Variants in BARD1 observed in about 807,000 individuals in gnomAD.
BARD1 encodes the protein BRCA1-associated RING domain protein 1.
Under a neutral mutation model 77.0 loss-of-function variants are expected in BARD1, and 73 were observed. The ratio of observed to expected loss-of-function variants is 0.95; its 90% CI spans 0.79 to 1.15. The LOEUF (loss-of-function observed/expected upper bound fraction) is 1.15, where lower values mean the gene tolerates loss of function less well. Ranked by LOEUF, BARD1 falls within the 50% of genes most tolerant of loss-of-function variation. BARD1 has a pLI of 0.00. For missense variants in BARD1, 993 were observed against 938.8 expected, an observed-to-expected ratio of 1.06 and a Z score of -0.75; for synonymous variants, 384 against 338.0, an observed-to-expected ratio of 1.14 and a Z score of -1.49.
At position 214,767,537 on chromosome 2, in the gene BARD1, C is replaced by T. The variant is rs864622240; in HGVS notation, c.1513G>A (p.Gly505Arg). ...DSPLHDAAKN[G>R]HVDIVKLLLS... The stretch of plus-strand genomic sequence containing the variant: ...AACAGCTTGACTATATCCACATGCC[C>T]ATTCTTGGCTGCATCGTGAAGTGGT... The change falls in exon 6 of 11, where the codon GGG (glycine) becomes AGG (arginine). Residue 505 changes from glycine (G) to arginine (R), a missense_variant. By Grantham distance (125) the Gly-to-Arg change is moderately radical. Coordinates refer to ENST00000260947, the MANE Select transcript of BARD1 (RefSeq NM_000465.4). 1 of 1,613,996 alleles carries T rather than the reference C, an allele frequency of 6.2e-7. No individual in the cohort carries two copies. Among genetic ancestry groups the T allele is most frequent in the Non-Finnish European group, 8.5e-7 (1 of 1,179,912 alleles).
chr2:214,731,104 C>A (rs1692335911), intron 9 of BARD1: 3 of 243,642 alleles, frequency 1.2e-5, no homozygotes, highest in Non-Finnish European at 2.5e-5. Flanking sequence ...ACTGAGGTTG[C>A]TAGTCTAGAG....
At chr2:214,751,117 G>GTGTGTATATA (rs1486423673) in intron 7 of BARD1, among the ~76,000 whole-genome samples, 52 of 16,222 alleles carry the variant, frequency 3.2e-3, no homozygotes, top group Non-Finnish European at 6.2e-3. Flanking sequence ...GTGTGTGTGT[G>GTGTGTATATA]TATATATATA....
At chr2:214,736,771 A>T (rs1350232111) in intron 9 of BARD1, among the ~76,000 whole-genome samples, 2 of 152,158 alleles carry the variant, frequency 1.3e-5, no homozygotes, top group Admixed American at 1.3e-4. Context: ...AGAAGGAGCC[A>T]GTGTAAGTCT....
chr2:214,776,645 A>T (rs548033223), intron 4 of BARD1, among the ~76,000 whole-genome samples: 1 of 152,334 alleles, frequency 6.6e-6, no homozygotes, highest in East Asian at 1.9e-4. Flanking sequence ...AAGGGAAATT[A>T]GGAAGCTACT....
chr2:214,745,135 T>A lies in BARD1; in HGVS notation c.1835A>T (p.Asp612Val), dbSNP rs201140528. 1.2e-4 allele frequency: 199 copies of A among 1,613,842 alleles called. No individual in the cohort carries two copies. The highest frequency in any genetic ancestry group is 2.3e-4 in the Admixed American group (14 of 59,986). Residue 612 changes from aspartate to valine, a missense_variant, in exon 9 of 11, where the codon GAT becomes GTT. Asp to Val is a radical substitution (Grantham distance 152). Transcript: ENST00000260947. ...ACACTTCAAGGTACTTTGAACTGCA[T>A]CACCAGGAACAACAACATGAGTTAC... ...STVTHVVVPG[D>V]AVQSTLKCML...
intron 4 of BARD1, among the ~76,000 whole-genome samples, chr2:214,776,225 T>C (rs1028165811): frequency 3.3e-5 from 5 of 152,082 alleles, no homozygotes; most frequent in African/African-American, 1.2e-4. Context: ...GAGAACTTGG[T>C]AGAAGGGTGT....
intron 1 of BARD1, among the ~76,000 whole-genome samples, chr2:214,805,380 TC>T (rs1696221966): frequency 6.6e-6 from 1 of 152,236 alleles, no homozygotes; most frequent in East Asian, 1.9e-4. Flanking sequence ...CAGTGATTTC[TC>T]GTTATTCTAA....
intron 9 of BARD1, among the ~76,000 whole-genome samples, chr2:214,735,760 T>A (rs578032410): frequency 1.3e-5 from 2 of 152,272 alleles, no homozygotes; most frequent in South Asian, 4.1e-4. Flanking sequence ...GCTGCTTAAA[T>A]TGAGTGTTCT....
intron 7 of BARD1, among the ~76,000 whole-genome samples, chr2:214,749,782 C>G (rs1038123518): frequency 6.8e-6 from 1 of 147,392 alleles, no homozygotes; most frequent in Non-Finnish European, 1.5e-5. Flanking sequence ...AAAAAACAAC[C>G]TTTTTTTTTT....
In BARD1 at chr2:214,752,344, G is replaced by A. The variant is rs1693492746; in HGVS notation, c.1677+103C>T. The A allele has an allele frequency of 1.2e-5, 11 of 906,430 alleles. 1 individual carries two copies. In the South Asian group the frequency reaches 1.5e-4, roughly 13 times the overall value. 56.1% of individuals were successfully genotyped at this position (906,430 alleles called of 1,614,324 possible). ...TCAGGAAGTGCTCAATAATTGTTTG[G>A]TGAATGTAAGCAATTGGTCAAATGG... On this transcript the variant is annotated intron_variant, in intron 7 of 10. Transcript: ENST00000260947.
chr2:214,779,867 C>T (rs1475667260), intron 4 of BARD1, among the ~76,000 whole-genome samples: 1 of 152,198 alleles, frequency 6.6e-6, no homozygotes, highest in African/African-American at 2.4e-5. Flanking sequence ...GCTTATAAAG[C>T]TATGGTGCCT....
At chr2:214,768,818 T>C (rs1694338119) in intron 5 of BARD1, among the ~76,000 whole-genome samples, 1 of 152,244 alleles carries the variant, frequency 6.6e-6, no homozygotes, top group Non-Finnish European at 1.5e-5. Context: ...AGGGTATAAG[T>C]GAGGCTAAGA....
At chr2:214,797,162 A>ATGTT in intron 1 of BARD1, 45 bp from the exon 2 acceptor site, 3 of 1,468,096 alleles carry the variant, frequency 2.0e-6, no homozygotes, top group Non-Finnish European at 2.9e-6. Flanking sequence ...TCATTGTTAG[A>ATGTT]TAAACATCTC....
At chr2:214,790,941 A>G (rs1289912044) in intron 3 of BARD1, among the ~76,000 whole-genome samples, 1 of 152,186 alleles carries the variant, frequency 6.6e-6, no homozygotes, top group Non-Finnish European at 1.5e-5. Flanking sequence ...GTGGGGAGAG[A>G]AAGGTAGATC....
chr2:214,805,237 T>C lies in BARD1; in HGVS notation c.158+4175A>G, dbSNP rs569845557. ...TTCCACTGGCCCTACCCAAGTACTCTTCTCAGCACTATGTCGACCTGCACG... is the reference window on the plus strand; with the variant it reads ...TTCCACTGGCCCTACCCAAGTACTCCTCTCAGCACTATGTCGACCTGCACG... On this transcript the variant is annotated intron_variant, in intron 1 of 10. Transcript: ENST00000260947. 2.0e-5 allele frequency among the ~76,000 whole-genome samples: 3 copies of C among 152,250 alleles called. No homozygotes were observed. The South Asian group carries it at 6.2e-4, about 31-fold the overall frequency.
intron 9 of BARD1, among the ~76,000 whole-genome samples, chr2:214,737,698 C>T (rs1692628234): frequency 1.3e-5 from 2 of 152,052 alleles, no homozygotes; most frequent in South Asian, 4.1e-4. Flanking sequence ...ATTATCAATG[C>T]ACTGGAAGAA....
chr2:214,767,976 T>G (rs1437037948), intron 5 of BARD1, among the ~76,000 whole-genome samples: 1 of 104,038 alleles, frequency 9.6e-6, no homozygotes, highest in Non-Finnish European at 2.0e-5. Flanking sequence ...TGTAACACAT[T>G]AAGAAAAAAG....
chr2:214,802,933 T>C (rs184810002), intron 1 of BARD1, among the ~76,000 whole-genome samples: 1 of 152,300 alleles, frequency 6.6e-6, no homozygotes, highest in Admixed American at 6.5e-5. Flanking sequence ...ACTGTGTCTG[T>C]ATAGAAAGAA....
intron 4 of BARD1, among the ~76,000 whole-genome samples, chr2:214,779,335 T>A (rs1694873771): frequency 6.6e-6 from 1 of 152,226 alleles, no homozygotes; most frequent in Non-Finnish European, 1.5e-5. Context: ...CTAAATTACT[T>A]ATAACACCTA....
Sources: gnomAD v4.1 joint callset for allele counts (sites outside exome capture counted in the v4.1 genomes callset) on GRCh38, gnomAD v4.1.1 for gene constraint, MANE v1.5 for transcripts, NCBI Gene and HGNC (gene_info 2026-07-23, HGNC 2026-07-21) for gene names.